PALLD: variants seen among roughly 807,000 people sequenced by gnomAD.
PALLD encodes palladin, cytoskeletal associated protein, also known as palladin.
A neutral mutation model predicts 123.5 loss-of-function variants in PALLD; 61 were observed. The ratio of observed to expected loss-of-function variants is 0.49; its 90% CI spans 0.40 to 0.61. The LOEUF is 0.61. Among genes scored for constraint, PALLD ranks in the 20% least tolerant of loss-of-function variants. The probability of loss-of-function intolerance (pLI) is 0.00; values close to 1 mark genes in which losing one functional copy is unlikely to be tolerated. For synonymous variants in PALLD, 465 were observed against 496.4 expected, an observed-to-expected ratio of 0.94 and a Z score of 0.84; for missense variants, 1,273 against 1,377.0, an observed-to-expected ratio of 0.92 and a Z score of 1.20.
chr4:168,898,197 CT>C (rs1397047032), intron 13 of PALLD: 2 of 435,064 alleles, frequency 4.6e-6, no homozygotes, highest in Non-Finnish European at 8.5e-6. Flanking sequence ...TTGCTTTTGC[CT>C]TTTTCTTTCC....
intron 14 of PALLD, among the ~76,000 whole-genome samples, chr4:168,899,870 C>A (rs149716826): frequency 6.6e-6 from 1 of 151,082 alleles, no homozygotes; most frequent in African/African-American, 2.4e-5. Flanking sequence ...TGACCAAGAT[C>A]GCGCCATTGC....
rs545066885 is a variant in PALLD at position 168,544,159 on chromosome 4, A to G, written c.908+31747A>G. Among the ~76,000 whole-genome samples the G allele has an allele frequency of 1.9e-3, 291 of 152,358 alleles. 3 individuals carry two copies. Among genetic ancestry groups the G allele is most frequent in the Non-Finnish European group, 1.9e-3 (126 of 68,030 alleles). Reference sequence around the variant, plus strand: ...TCCAACTTTTAAAATTAGAAACTACATGTTCTGTTTATACTTTCTCTCACT... The same window carrying G: ...TCCAACTTTTAAAATTAGAAACTACGTGTTCTGTTTATACTTTCTCTCACT... On this transcript the variant is annotated intron_variant, in intron 2 of 21. Transcript: ENST00000505667.
At chr4:168,618,613 C>G (rs1774454969) in intron 2 of PALLD, among the ~76,000 whole-genome samples, 1 of 152,188 alleles carries the variant, frequency 6.6e-6, no homozygotes, top group African/African-American at 2.4e-5. Context: ...CAGTTATAAT[C>G]AAGTATTAGG....
intron 10 of PALLD, among the ~76,000 whole-genome samples, chr4:168,786,276 C>G (rs950422569): frequency 1.3e-5 from 2 of 151,908 alleles, no homozygotes; most frequent in South Asian, 4.2e-4. Context: ...TGCAGTGAGC[C>G]GAGATCGCAC....
chr4:168,635,434 G>C (rs1776246094), intron 2 of PALLD, among the ~76,000 whole-genome samples: 1 of 152,186 alleles, frequency 6.6e-6, no homozygotes, highest in Admixed American at 6.5e-5. Flanking sequence ...AACTGGCACA[G>C]TAAACCACCT....
At chr4:168,731,423 C>T (rs989009591) in intron 10 of PALLD, among the ~76,000 whole-genome samples, 9 of 152,200 alleles carry the variant, frequency 5.9e-5, no homozygotes, top group Admixed American at 2.6e-4. Context: ...ATAAGCTACT[C>T]AGTGCCCCAT....
At chr4:168,687,414 A>ACACTC (rs1395410953) in intron 6 of PALLD, among the ~76,000 whole-genome samples, 1 of 152,236 alleles carries the variant, frequency 6.6e-6, no homozygotes, top group Non-Finnish European at 1.5e-5. Context: ...AGAGGGGTGG[A>ACACTC]CACTCCACAT....
chr4:168,668,374 G>A lies in PALLD; in HGVS notation c.1087+6G>A. 6.3e-7 allele frequency: 1 copy of A among 1,594,852 alleles called. No homozygotes were observed. Among genetic ancestry groups the A allele is most frequent in the Non-Finnish European group, 8.6e-7 (1 of 1,168,204 alleles). On this transcript the variant is annotated splice_donor_region_variant and intron_variant, in intron 3 of 21. Transcript: ENST00000505667. ...TGCTGAGGTGTTCATTGAAGGTAAG[G>A]AGGGGTGCCTGGTAATGGGGGATAA...
At chr4:168,713,127 T>C (rs1784999009) in intron 10 of PALLD, among the ~76,000 whole-genome samples, 1 of 152,254 alleles carries the variant, frequency 6.6e-6, no homozygotes, top group South Asian at 2.1e-4. Context: ...TGCTACCCTC[T>C]ACTTAATTTT....
chr4:168,854,548 G>A (rs181049395), intron 10 of PALLD, among the ~76,000 whole-genome samples: 7 of 152,250 alleles, frequency 4.6e-5, no homozygotes, highest in East Asian at 1.9e-4. Flanking sequence ...GAGAACAGCC[G>A]TGCAGCTGTG....
intron 2 of PALLD, among the ~76,000 whole-genome samples, chr4:168,527,037 TCTC>T (rs1322657416): frequency 1.3e-5 from 2 of 152,104 alleles, no homozygotes; most frequent in Non-Finnish European, 2.9e-5. Context: ...TATGCAACAG[TCTC>T]CTCCTTTGCC....
chr4:168,761,641 G>GTTTGTTTTTTTTTT (rs1401384851), intron 10 of PALLD, among the ~76,000 whole-genome samples: 8 of 11,634 alleles, frequency 6.9e-4, no homozygotes, highest in African/African-American at 1.5e-3. Context: ...TGTTGTTGTT[G>GTTTGTTTTTTTTTT]TTTGTTTTTT....
chr4:168,731,965 G>T (rs1459498456), intron 10 of PALLD, among the ~76,000 whole-genome samples: 1 of 152,172 alleles, frequency 6.6e-6, no homozygotes, highest in Non-Finnish European at 1.5e-5. Flanking sequence ...CTAGACAGAG[G>T]ATTTTATGAG....
chr4:168,898,502 G>C lies in PALLD; in HGVS notation c.2260G>C (p.Val754Leu), dbSNP rs767260072. 3.1e-6 allele frequency: 5 copies of C among 1,610,982 alleles called. No individual in the cohort carries two copies. Among genetic ancestry groups the C allele is most frequent in the Non-Finnish European group, 4.2e-6 (5 of 1,177,176 alleles). The part of the protein sequence containing the change: ...SPLDGQKEYK[V>L]SSCEQRLISE... Reference sequence around the variant, plus strand: ...ACTTTCCTTGATTCAGGAATACAAAGTCTCCAGCTGTGAACAGAGACTCAT... The same window carrying C: ...ACTTTCCTTGATTCAGGAATACAAACTCTCCAGCTGTGAACAGAGACTCAT... The change falls in exon 14 of 22, where the codon GTC becomes CTC. Residue 754 changes from valine (V) to leucine (L), a missense_variant. This residue lies in a region of PALLD where 944 missense variants were observed against 954.5 expected (regional missense o/e 0.99). Transcript: ENST00000505667.
chr4:168,697,097 G>A (rs1465385407), intron 8 of PALLD, among the ~76,000 whole-genome samples: 2 of 152,146 alleles, frequency 1.3e-5, no homozygotes, highest in Non-Finnish European at 2.9e-5. Context: ...CTAGCAAGAT[G>A]CAAATAGCTT....
chr4:168,747,819 A>G (rs1008496886), intron 10 of PALLD, among the ~76,000 whole-genome samples: 1 of 152,256 alleles, frequency 6.6e-6, no homozygotes, highest in African/African-American at 2.4e-5. Context: ...AATATCTTCA[A>G]GAATTCCAAC....
intron 2 of PALLD, among the ~76,000 whole-genome samples, chr4:168,565,750 AC>A (rs1408297123): frequency 5.9e-5 from 9 of 152,112 alleles, no homozygotes; most frequent in Non-Finnish European, 5.9e-5. Flanking sequence ...TGTCACCATC[AC>A]CCCACTTCAT....
rs186073575 is a variant in PALLD at position 168,599,660 on chromosome 4, A to C, written c.909-68530A>C. On this transcript the variant is annotated intron_variant, in intron 2 of 21. Transcript: ENST00000505667. ...ACACACCTGTAGTCCTAGCTACTGG[A>C]GGCTGAGGCAGGAGGATCATTTGAG... Among the ~76,000 whole-genome samples, 4 of 152,290 alleles carry C rather than the reference A, an allele frequency of 2.6e-5. No individual in the cohort carries two copies. The East Asian group carries it at 7.7e-4, about 29-fold the overall frequency.
At position 168,692,144 on chromosome 4, in the gene PALLD, C is replaced by G. The variant is rs140707671; in HGVS notation, c.1501+852C>G. Among the ~76,000 whole-genome samples, 698 of 152,276 alleles carry G rather than the reference C, an allele frequency of 4.6e-3. 4 individuals are homozygous for G. The highest frequency in any genetic ancestry group is 0.016 in the African/African-American group (666 of 41,546). The stretch of plus-strand genomic sequence containing the variant: ...GATCTTGCCACATGTGTCTTAGGAG[C>G]CATGACCTTGCTCTGACTCTTCTTG... On this transcript the variant is annotated intron_variant, in intron 8 of 21. Coordinates refer to ENST00000505667, the MANE Select transcript of PALLD (RefSeq NM_001166108.2).
Sources: allele counts gnomAD v4.1 joint callset (sites outside exome capture counted in the v4.1 genomes callset), GRCh38; gene constraint gnomAD v4.1.1; regional missense constraint gnomAD v4.1.1; transcripts MANE v1.5; gene names NCBI Gene and HGNC (gene_info 2026-07-23, HGNC 2026-07-21).